The following STX11 variants were observed in gnomAD, a reference collection of about 807,000 sequenced individuals.
The protein encoded by STX11 is syntaxin 11.
STX11 carries 21 observed loss-of-function variants against 19.9 expected under a neutral mutation model. The observed-to-expected ratio is 1.06, with a 90% CI of 0.75 to 1.52. The LOEUF (loss-of-function observed/expected upper bound fraction) is 1.52, where lower values mean the gene tolerates loss of function less well. Among genes scored for constraint, STX11 ranks in the 40% most tolerant of loss-of-function variants. STX11 has a pLI of 0.00. For synonymous variants in STX11, 193 were observed against 174.4 expected (o/e 1.11, Z -0.84); for missense variants, 438 against 405.9 (o/e 1.08, Z -0.68).
At chr6:144,178,481 C>G (rs1801828017) in intron 1 of STX11, among the ~76,000 whole-genome samples, 1 of 152,156 alleles carries the variant, frequency 6.6e-6, no homozygotes, top group African/African-American at 2.4e-5. Context: ...TCCCAGCTAC[C>G]CACTGGCTGT....
At chr6:144,164,380 G>A (rs1466618530) in intron 1 of STX11, among the ~76,000 whole-genome samples, 1 of 152,184 alleles carries the variant, frequency 6.6e-6, no homozygotes, top group Non-Finnish European at 1.5e-5. Flanking sequence ...AAAAGTGAAA[G>A]TTAACGGTAC....
chr6:144,146,600 C>T (rs1008507592), upstream of STX11, among the ~76,000 whole-genome samples: 5 of 152,076 alleles, frequency 3.3e-5, no homozygotes, highest in African/African-American at 7.3e-5. The surrounding 1 kb of genome is among the most constrained non-coding windows in gnomAD (Gnocchi z 4.4). Flanking sequence ...GCCTGAGCCA[C>T]GGCGTCCAGC....
At position 144,153,269 on chromosome 6, in the gene STX11, T is replaced by A. The variant is rs1801052080; in HGVS notation, c.-6+2566T>A. Among the ~76,000 whole-genome samples the A allele has an allele frequency of 6.6e-6, 1 of 152,234 alleles. No individual in the cohort carries two copies. The stretch of plus-strand genomic sequence containing the variant: ...TCTATGAGAAAGAAAGGGTCGAGTT[T>A]GTCATTCAGCATTGTACTCCCTGAA... On this transcript the variant is annotated intron_variant, in intron 1 of 1. Transcript: ENST00000367568. This position sits in a 1 kb window ranked among gnomAD's most constrained non-coding sequence, Gnocchi z 5.0.
At chr6:144,171,099 G>C (rs1285086783) in intron 1 of STX11, among the ~76,000 whole-genome samples, 1 of 152,204 alleles carries the variant, frequency 6.6e-6, no homozygotes. Flanking sequence ...CCTGAAACCA[G>C]TGAGGAAACC....
rs1023735302 is a variant in STX11, at chr6:144,153,758, C to A, written c.-6+3055C>A. 1.3e-5 allele frequency among the ~76,000 whole-genome samples: 2 copies of A among 152,020 alleles called. No homozygotes were observed. The highest frequency in any genetic ancestry group is 4.8e-5 in the African/African-American group (2 of 41,392). On this transcript the variant is annotated intron_variant, in intron 1 of 1. Transcript: ENST00000367568. This position sits in a 1 kb window ranked among gnomAD's most constrained non-coding sequence, Gnocchi z 5.0. ...TGCAGATGGGAAAAGAGGGAAGGGGCTGGTAGAGGTTTAATAGGTGGAACC... is the reference window on the plus strand; with the variant it reads ...TGCAGATGGGAAAAGAGGGAAGGGGATGGTAGAGGTTTAATAGGTGGAACC...
chr6:144,176,698 C>G lies in STX11; in HGVS notation c.-5-9925C>G, dbSNP rs147338282. On this transcript the variant is annotated intron_variant, in intron 1 of 1. Transcript: ENST00000367568. This position sits in a 1 kb window ranked among gnomAD's most constrained non-coding sequence, Gnocchi z 4.1. The stretch of plus-strand genomic sequence containing the variant: ...GAAAGAGAAACATTTTAAATCAAAT[C>G]AAGCTGATCTTTGAACACATGGTTG... Among the ~76,000 whole-genome samples the G allele has an allele frequency of 0.01, 1,556 of 152,274 alleles. 15 individuals carry two copies. The highest frequency in any genetic ancestry group is 0.018 in the Non-Finnish European group (1,230 of 68,010).
rs746692325 is a variant in STX11, at chr6:144,186,866, G to A, written c.239G>A (p.Ser80Asn). Residue 80 changes from serine (S) to asparagine (N), a missense_variant, in exon 2 of 2, where the codon AGC becomes AAC. Ser to Asn is a conservative substitution (Grantham distance 46). Coordinates refer to ENST00000367568, the MANE Select transcript of STX11 (RefSeq NM_003764.4). ...TTCCTCACGTCCATGCGGCGCCTCA[G>A]CAGCATCAAGCGCGACACCAACTCC... is the stretch of plus-strand genomic sequence containing the variant. ...ARFLTSMRRL[S>N]SIKRDTNSIA... is the part of the protein sequence containing the mutation. 1 of 1,612,802 alleles carries A rather than the reference G, an allele frequency of 6.2e-7. No individual in the cohort carries two copies. The highest frequency in any genetic ancestry group is 1.1e-5 in the South Asian group (1 of 91,076).
At chr6:144,144,732 T>C in the STX11 span, among the ~76,000 whole-genome samples, 1 of 152,344 alleles carries the variant, frequency 6.6e-6, no homozygotes, top group Admixed American at 6.5e-5. Context: ...AAGTACAGTG[T>C]AAATCTAGAA....
chr6:144,181,027 G>C (rs1801899488), intron 1 of STX11, among the ~76,000 whole-genome samples: 1 of 152,144 alleles, frequency 6.6e-6, no homozygotes, highest in South Asian at 2.1e-4. Context: ...AAAATGAAGG[G>C]ATCAGAATAA....
Position 144,177,065 on chromosome 6 carries a change from A to G in STX11, c.-5-9558A>G, listed in dbSNP as rs1801795414. Reference sequence around the variant, plus strand: ...AAGGACACTGTTTACAAGAAAGAGGAACAGATAAAGGAATGTAAAAATTCT... The same window carrying G: ...AAGGACACTGTTTACAAGAAAGAGGGACAGATAAAGGAATGTAAAAATTCT... On this transcript the variant is annotated intron_variant, in intron 1 of 1. Coordinates refer to ENST00000367568, the MANE Select transcript of STX11 (RefSeq NM_003764.4). The surrounding 1 kb of genome is among the most constrained non-coding windows in gnomAD (Gnocchi z 4.4). 6.6e-6 allele frequency among the ~76,000 whole-genome samples: 1 copy of G among 152,242 alleles called. No individual in the cohort carries two copies. The highest frequency in any genetic ancestry group is 1.5e-5 in the Non-Finnish European group (1 of 68,042).
In STX11 at chr6:144,186,984, C is replaced by T; in HGVS notation, c.357C>T (p.Gly119=). The change falls in exon 2 of 2, where the codon GGC becomes GGT. Residue 119 remains glycine (G), a synonymous_variant. Coordinates refer to ENST00000367568, the MANE Select transcript of STX11 (RefSeq NM_003764.4). The part of the protein sequence containing the change: ...ELSEAAEAQH[G]PHSAVARISR... ...GCGAGGCGGCTGAGGCCCAGCACGG[C>T]CCGCACTCGGCAGTGGCGCGCATTT... 2 of 1,609,350 alleles carry T rather than the reference C, an allele frequency of 1.2e-6. No individual in the cohort carries two copies. The highest frequency in any genetic ancestry group is 1.3e-5 in the African/African-American group (1 of 75,058).
upstream of STX11, among the ~76,000 whole-genome samples, chr6:144,145,760 G>A (rs1800862178): frequency 1.3e-5 from 2 of 152,094 alleles, no homozygotes; most frequent in Non-Finnish European, 2.9e-5. Flanking sequence ...AGAGATGTTA[G>A]TAAAGAAAAA....
chr6:144,187,095 C>T lies in STX11; in HGVS notation c.468C>T (p.Asn156=). ...YNQAEMKQRD[N]CKIRIQRQLE... is the part of the protein sequence containing the mutation. ...AGGCCGAGATGAAGCAGCGCGACAA[C>T]TGCAAGATCCGCATCCAGCGCCAGC... The change falls in exon 2 of 2, where the codon AAC becomes AAT. Residue 156 remains asparagine (N), a synonymous_variant. Transcript: ENST00000367568. The surrounding 1 kb of genome is among the most constrained non-coding windows in gnomAD (Gnocchi z 5.6). 6.2e-7 allele frequency: 1 copy of T among 1,613,828 alleles called. No homozygotes were observed. Among genetic ancestry groups the T allele is most frequent in the Non-Finnish European group, 8.5e-7 (1 of 1,180,016 alleles).
At position 144,155,996 on chromosome 6, in the gene STX11, TTCTTTC is replaced by T. The variant is rs1200404669; in HGVS notation, c.-6+5295_-6+5300del. 1.1e-4 allele frequency among the ~76,000 whole-genome samples: 14 copies of T among 124,542 alleles called. No individual in the cohort carries two copies. In the South Asian group the frequency reaches 2.4e-3, roughly 22 times the overall value. The allele number at this position is 124,542 out of a possible 152,430, so 81.7% of individuals were successfully genotyped here. ...TTTCTTTCTTTCTTTCTTTCTTTCT[TTCTTTC>T]TTTCTTTCTTTCTCTCTTTCTCTCC... On this transcript the variant is annotated intron_variant, in intron 1 of 1. Transcript: ENST00000367568. This position sits in a 1 kb window ranked among gnomAD's most constrained non-coding sequence, Gnocchi z 4.5.
chr6:144,142,486 T>A, the STX11 span, among the ~76,000 whole-genome samples: 1 of 152,206 alleles, frequency 6.6e-6, no homozygotes, highest in East Asian at 1.9e-4. Context: ...TATTGAAATA[T>A]TTAAAACTTT....
rs1244816739 is a variant in STX11 at position 144,160,369 on chromosome 6, T to A, written c.-6+9666T>A. Among the ~76,000 whole-genome samples the A allele has an allele frequency of 6.6e-6, 1 of 152,188 alleles. No individual in the cohort carries two copies. The highest frequency in any genetic ancestry group is 1.5e-5 in the Non-Finnish European group (1 of 68,036). ...ATAAATTGTAAGCTTAGGGTAAGGT[T>A]TGAGACTTCCTGATTTTTAACTTTT... is the stretch of plus-strand genomic sequence containing the variant. On this transcript the variant is annotated intron_variant, in intron 1 of 1. Transcript: ENST00000367568. The surrounding 1 kb of genome is among the most constrained non-coding windows in gnomAD (Gnocchi z 4.3).
chr6:144,155,994 CTTTCTTTCTTTCTT>C lies in STX11; in HGVS notation c.-6+5293_-6+5306del, dbSNP rs1477145310. Among the ~76,000 whole-genome samples, 228 of 131,190 alleles carry C rather than the reference CTTTCTTTCTTTCTT, an allele frequency of 1.7e-3. 3 individuals are homozygous for C. Among genetic ancestry groups the C allele is most frequent in the African/African-American group, 7.7e-3 (209 of 26,998 alleles). 86.1% of individuals were successfully genotyped at this position (131,190 alleles called of 152,430 possible). ...TCTTTCTTTCTTTCTTTCTTTCTTTCTTTCTTTCTTTCTTTCTTTCTCTCTTTCTCTCCTTCCTT... is the reference window on the plus strand; with the variant it reads ...TCTTTCTTTCTTTCTTTCTTTCTTTCTCTTTCTCTCTTTCTCTCCTTCCTT... On this transcript the variant is annotated intron_variant, in intron 1 of 1. Coordinates refer to ENST00000367568, the MANE Select transcript of STX11 (RefSeq NM_003764.4). The surrounding 1 kb of genome is among the most constrained non-coding windows in gnomAD (Gnocchi z 4.5).
In STX11 at chr6:144,189,902, A is replaced by C. The variant is rs1309767525; in HGVS notation, c.*2411A>C. On this transcript the variant is annotated 3_prime_UTR_variant, in exon 2 of 2. Coordinates refer to ENST00000367568, the MANE Select transcript of STX11 (RefSeq NM_003764.4). ...ATAGCTCCACTGCAATGTTTTTTAT[A>C]ATAGAGGAGAGATATTGTAAATAGA... is the stretch of plus-strand genomic sequence containing the variant. Among the ~76,000 whole-genome samples the C allele has an allele frequency of 1.3e-5, 2 of 152,230 alleles. No homozygotes were observed. The highest frequency in any genetic ancestry group is 2.9e-5 in the Non-Finnish European group (2 of 68,038).
intron 1 of STX11, among the ~76,000 whole-genome samples, chr6:144,181,148 A>G (rs756613209): frequency 3.3e-5 from 5 of 152,214 alleles, no homozygotes; most frequent in Admixed American, 6.5e-5. Flanking sequence ...GGGAGCCAGA[A>G]GGCAGTGCTT....
Sources: gnomAD v4.1 joint callset for allele counts (sites outside exome capture counted in the v4.1 genomes callset) on GRCh38, gnomAD v4.1.1 for gene constraint, Gnocchi (gnomAD v3.1) non-coding constraint, MANE v1.5 for transcripts, NCBI Gene and HGNC (gene_info 2026-07-23, HGNC 2026-07-21) for gene names.